RCC1: variants seen among roughly 807,000 people sequenced by gnomAD.
The protein encoded by RCC1 is regulator of chromosome condensation.
Under a neutral mutation model 44.4 loss-of-function variants are expected in RCC1, and 11 were observed. The ratio of observed to expected loss-of-function variants is 0.25; its 90% CI spans 0.16 to 0.41. The LOEUF is 0.41. Ranked by LOEUF, RCC1 falls within the 10% of genes least tolerant of loss-of-function variation. RCC1 has a pLI of 1.00. For missense variants in RCC1, 386 were observed against 547.1 expected (o/e 0.71, Z 2.94); for synonymous variants, 213 against 216.5 (o/e 0.98, Z 0.14).
intron 1 of RCC1, chr1:28,507,497 G>T (rs766682355): frequency 1.9e-6 from 1 of 518,906 alleles, no homozygotes; most frequent in African/African-American, 1.9e-5. Flanking sequence ...CCTCGTGTCT[G>T]CGCCTGCATA....
At chr1:28,508,273 G>C (rs534099526) in intron 2 of RCC1, 113 bp downstream of exon 2, 3 of 361,200 alleles carry the variant, frequency 8.3e-6, no homozygotes, top group South Asian at 4.0e-5. Context: ...TACCTCTGAG[G>C]CATTTAATCA....
rs1664508772 is a variant in RCC1, at chr1:28,535,774, C to T, written c.662-97C>T. On this transcript the variant is annotated intron_variant, in intron 9 of 12. Transcript: ENST00000683442. Reference sequence around the variant, plus strand: ...AGGGATAAGAGTCCCTACTTAGCCTCTCAAGGGCTTTTATAATGGAGGAGA... The same window carrying T: ...AGGGATAAGAGTCCCTACTTAGCCTTTCAAGGGCTTTTATAATGGAGGAGA... 2.9e-6 allele frequency: 4 copies of T among 1,382,402 alleles called. No homozygotes were observed. In the East Asian group the frequency reaches 6.9e-5, roughly 24 times the overall value. 85.6% of individuals were successfully genotyped at this position (1,382,402 alleles called of 1,614,324 possible). A position where few individuals can be genotyped will look rare whatever the true frequency, so the allele number is the denominator to read the frequency against.
chr1:28,523,700 A>G (rs973507969), intron 4 of RCC1, among the ~76,000 whole-genome samples: 3 of 152,174 alleles, frequency 2.0e-5, no homozygotes, highest in Non-Finnish European at 4.4e-5. Flanking sequence ...TCTTATTGTG[A>G]GTACTTTTCA....
chr1:28,521,365 G>A (rs1257277571), intron 4 of RCC1, among the ~76,000 whole-genome samples: 1 of 151,822 alleles, frequency 6.6e-6, no homozygotes, highest in African/African-American at 2.4e-5. Context: ...GCTGGGTGTG[G>A]TGGCAGGCGC....
chr1:28,524,330 CTT>C lies in RCC1; in HGVS notation c.-9-5526_-9-5525del, dbSNP rs2124637371. Among the ~76,000 whole-genome samples the C allele has an allele frequency of 1.3e-5, 2 of 152,316 alleles. 1 individual carries two copies. Among genetic ancestry groups the C allele is most frequent in the South Asian group, 4.1e-4 (2 of 4,826 alleles). ...GTCATTTAAGCCCAAGCCTGGGAGT[CTT>C]TGTGTTTGGCCAAGCTCATAGGGGG... is the stretch of plus-strand genomic sequence containing the variant. On this transcript the variant is annotated intron_variant, in intron 4 of 12. Coordinates refer to ENST00000683442, the MANE Select transcript of RCC1 (RefSeq NM_001381865.2).
At chr1:28,517,700 C>T (rs781470238) in intron 4 of RCC1, among the ~76,000 whole-genome samples, 8 of 152,096 alleles carry the variant, frequency 5.3e-5, no homozygotes, top group Non-Finnish European at 1.2e-4. Flanking sequence ...TGATCTGTCA[C>T]TCCCACAGGC....
intron 3 of RCC1, chr1:28,509,408 A>AT (rs1662324054): frequency 6.3e-6 from 1 of 158,268 alleles, no homozygotes; most frequent in Non-Finnish European, 1.4e-5. Flanking sequence ...CACCTGGCTA[A>AT]TTTTTGTATT....
intron 4 of RCC1, among the ~76,000 whole-genome samples, chr1:28,524,813 G>A (rs1201481941): frequency 1.3e-5 from 2 of 152,268 alleles, no homozygotes; most frequent in East Asian, 3.9e-4. Flanking sequence ...CTGCACTCAA[G>A]TCTGGGCAGG....
At chr1:28,509,997 C>T (rs1424863291) in intron 3 of RCC1, 4 of 152,194 alleles carry the variant, frequency 2.6e-5, no homozygotes, top group African/African-American at 9.7e-5. Context: ...GAATTGCTTG[C>T]CTCATGACGT....
chr1:28,507,028 T>A (rs1662005532), intron 1 of RCC1: 1 of 158,300 alleles, frequency 6.3e-6, no homozygotes, highest in South Asian at 1.4e-4. Flanking sequence ...TTGGGTCATT[T>A]TTATTTTTAT....
At position 28,531,082 on chromosome 1, in the gene RCC1, A is replaced by G. The variant is rs1019156642; in HGVS notation, c.74-721A>G. Among the ~76,000 whole-genome samples, 18 of 151,980 alleles carry G rather than the reference A, an allele frequency of 1.2e-4. 1 individual carries two copies. Among genetic ancestry groups the G allele is most frequent in the Admixed American group, 7.9e-4 (12 of 15,270 alleles). ...CGTCTCTACTAAAATACAAAAAATT[A>G]GCCTTGCGCGGTGGCGCGCGCCTGT... On this transcript the variant is annotated intron_variant, in intron 5 of 12. Coordinates refer to ENST00000683442, the MANE Select transcript of RCC1 (RefSeq NM_001381865.2).
At chr1:28,532,674 C>A (rs1460581461) in intron 7 of RCC1, 10 of 499,214 alleles carry the variant, frequency 2.0e-5, no homozygotes, top group South Asian at 1.2e-4. Flanking sequence ...ACCTTGCCAG[C>A]ACTGCCTCTT....
At chr1:28,509,779 A>G (rs904299705) in intron 3 of RCC1, 1 of 152,174 alleles carries the variant, frequency 6.6e-6, no homozygotes, top group Non-Finnish European at 1.5e-5. Context: ...GGTTCACTTT[A>G]TATTGGCAGT....
chr1:28,508,023 A>G (rs948189759), intron 1 of RCC1, 105 bp from the exon 2 acceptor site: 2 of 362,150 alleles, frequency 5.5e-6, no homozygotes, highest in South Asian at 4.0e-5. Flanking sequence ...ACTCAAACCT[A>G]TACTCCAGTG....
intron 4 of RCC1, among the ~76,000 whole-genome samples, 196 bp from the exon 5 acceptor site, chr1:28,529,662 T>C (rs759525164): frequency 3.3e-5 from 5 of 151,986 alleles, no homozygotes; most frequent in Non-Finnish European, 7.3e-5. Context: ...TAAAATGTTA[T>C]GAAGGATACA....
rs528320406 is a variant in RCC1, at chr1:28,535,369, G to A, written c.650G>A (p.Arg217Gln). 6.2e-6 allele frequency: 10 copies of A among 1,614,068 alleles called. No homozygotes were observed. The highest frequency in any genetic ancestry group is 1.6e-4 in the Middle Eastern group (1 of 6,062). ...GAGTTATTTGCCAACCGTGGTGGCC[G>A]GCAAGGCCTCGGTAAGTGGCCTTGG... Reference protein sequence around the residue: ...VPELFANRGGRQGLERLLVPK... With the variant: ...VPELFANRGGQQGLERLLVPK... Residue 217 changes from arginine (R) to glutamine (Q), a missense_variant, in exon 9 of 13, where the codon CGG (arginine) becomes CAG (glutamine). Physicochemically the swap from Arg to Gln is conservative, Grantham distance 43. Coordinates refer to ENST00000683442, the MANE Select transcript of RCC1 (RefSeq NM_001381865.2).
chr1:28,532,003 G>T lies in RCC1; in HGVS notation c.261+13G>T, dbSNP rs747287079. On this transcript the variant is annotated intron_variant, in intron 6 of 12. Coordinates refer to ENST00000683442, the MANE Select transcript of RCC1 (RefSeq NM_001381865.2). The stretch of plus-strand genomic sequence containing the variant: ...CAAAAGTGGCCAGGTAGGTGTTGGG[G>T]ACTGGCACAGGGTTGGACAAGGCCT... 5.1e-6 allele frequency: 8 copies of T among 1,567,522 alleles called. No homozygotes were observed. The East Asian group carries it at 1.6e-4, about 31-fold the overall frequency.
chr1:28,531,027 G>A (rs1328173975), intron 5 of RCC1, among the ~76,000 whole-genome samples: 1 of 152,072 alleles, frequency 6.6e-6, no homozygotes, highest in East Asian at 1.9e-4. Context: ...TCAGAAGATC[G>A]AGACCATCCT....
chr1:28,528,775 T>C (rs1196683266), intron 4 of RCC1, among the ~76,000 whole-genome samples: 1 of 146,132 alleles, frequency 6.8e-6, no homozygotes, highest in African/African-American at 2.6e-5. Context: ...CACATTTTTC[T>C]CACATATTTT....
Sources: allele counts gnomAD v4.1 joint callset (sites outside exome capture counted in the v4.1 genomes callset), GRCh38; gene constraint gnomAD v4.1.1; transcripts MANE v1.5; gene names NCBI Gene and HGNC (gene_info 2026-07-23, HGNC 2026-07-21).